The following NSMCE2 variants were observed in gnomAD, a reference collection of about 807,000 sequenced individuals.
NSMCE2 encodes NSE2 SUMO ligase component of SMC5/6 complex.
In NSMCE2, 24 loss-of-function variants were observed where a neutral mutation model predicts 23.8. The ratio of observed to expected loss-of-function variants is 1.01; its 90% CI spans 0.73 to 1.42. The LOEUF is 1.42. NSMCE2 is among the 40% of genes most tolerant of loss of function. The pLI is 0.00. For missense variants in NSMCE2, 284 were observed against 296.5 expected (o/e 0.96, Z 0.31); for synonymous variants, 92 against 94.1 (o/e 0.98, Z 0.13).
At chr8:125,093,834 T>C (rs1004522181) in intron 1 of NSMCE2, among the ~76,000 whole-genome samples, 4 of 152,214 alleles carry the variant, frequency 2.6e-5, no homozygotes, top group African/African-American at 9.6e-5. Context: ...CTCACTCTTA[T>C]CGTCCAGGCT....
At chr8:125,193,077 T>C (rs1243492464) in intron 5 of NSMCE2, among the ~76,000 whole-genome samples, 1 of 152,060 alleles carries the variant, frequency 6.6e-6, no homozygotes, top group Non-Finnish European at 1.5e-5. Flanking sequence ...ATGAAATATT[T>C]TGCAATCATT....
chr8:125,282,607 G>A (rs555184119), intron 5 of NSMCE2, among the ~76,000 whole-genome samples: 1 of 152,328 alleles, frequency 6.6e-6, no homozygotes, highest in East Asian at 1.9e-4. Context: ...TCAAACGGCT[G>A]TAACCTGGAG....
At chr8:125,132,499 GTT>G (rs75538469) in intron 3 of NSMCE2, among the ~76,000 whole-genome samples, 8 of 147,270 alleles carry the variant, frequency 5.4e-5, no homozygotes, top group African/African-American at 1.5e-4. Context: ...AAAAATTTTG[GTT>G]TTTTTTTTTG....
chr8:125,225,978 G>T (rs368601773), intron 5 of NSMCE2, among the ~76,000 whole-genome samples: 168 of 152,294 alleles, frequency 1.1e-3, no homozygotes, highest in African/African-American at 3.8e-3. Context: ...GAATCCTTGA[G>T]TCTCTGAAGT....
intron 5 of NSMCE2, among the ~76,000 whole-genome samples, chr8:125,278,671 TG>T (rs1471102868): frequency 1.3e-5 from 2 of 152,200 alleles, no homozygotes; most frequent in Non-Finnish European, 2.9e-5. Flanking sequence ...GCTTTTGCTT[TG>T]GTCAAGAGGG....
intron 5 of NSMCE2, among the ~76,000 whole-genome samples, chr8:125,288,445 A>C (rs1050553237): frequency 6.6e-6 from 1 of 152,074 alleles, no homozygotes; most frequent in African/African-American, 2.4e-5. Flanking sequence ...ATCACATTTC[A>C]ATTATTTTGC....
intron 7 of NSMCE2, among the ~76,000 whole-genome samples, chr8:125,364,258 T>C (rs1317120762): frequency 6.6e-6 from 1 of 152,200 alleles, no homozygotes; most frequent in East Asian, 1.9e-4. Flanking sequence ...TTTAATATTT[T>C]AAAAATAAAT....
intron 3 of NSMCE2, among the ~76,000 whole-genome samples, chr8:125,122,081 AT>A (rs1357609744): frequency 6.7e-6 from 1 of 148,880 alleles, no homozygotes; most frequent in African/African-American, 2.5e-5. Context: ...TGACACCGTT[AT>A]GCCTGAAGAT....
chr8:125,158,582 T>C (rs1318678911), intron 4 of NSMCE2, among the ~76,000 whole-genome samples: 1 of 152,204 alleles, frequency 6.6e-6, no homozygotes, highest in Non-Finnish European at 1.5e-5. Flanking sequence ...CAGGCCATCC[T>C]AGCAGCTAAT....
intron 5 of NSMCE2, among the ~76,000 whole-genome samples, chr8:125,210,110 G>A (rs529655452): frequency 2.6e-5 from 4 of 152,230 alleles, no homozygotes; most frequent in East Asian, 1.9e-4. Flanking sequence ...TCTGTAACCC[G>A]GGATAAGTTT....
chr8:125,262,096 C>CAAAATAAAATAAAATAAAATAAAAT (rs10654840), intron 5 of NSMCE2, among the ~76,000 whole-genome samples: 24 of 143,014 alleles, frequency 1.7e-4, no homozygotes, highest in African/African-American at 4.8e-4. Context: ...GACTCTGTCT[C>CAAAATAAAATAAAATAAAATAAAAT]AAAATAAAAT....
chr8:125,252,578 C>T (rs539089499), intron 5 of NSMCE2, among the ~76,000 whole-genome samples: 2 of 152,158 alleles, frequency 1.3e-5, no homozygotes, highest in Non-Finnish European at 2.9e-5. Flanking sequence ...TATTTTCTTG[C>T]ATTTGACTAT....
At chr8:125,277,780 C>G (rs528841514) in intron 5 of NSMCE2, among the ~76,000 whole-genome samples, 2 of 152,314 alleles carry the variant, frequency 1.3e-5, no homozygotes, top group African/African-American at 4.8e-5. Flanking sequence ...TCCCAGAGTG[C>G]TGGGATTACA....
rs570659758 is a variant in NSMCE2 at position 125,218,291 on chromosome 8, AACAG to A, written c.418+36040_418+36043del. On this transcript the variant is annotated intron_variant, in intron 5 of 7. Transcript: ENST00000287437. ...ATAATGCTGAGGATTCTGACATACA[AACAG>A]ACAGGTAGGTTTAATTAGGGAAAAG... Among the ~76,000 whole-genome samples the A allele has an allele frequency of 1.7e-3, 265 of 152,304 alleles. 9 individuals carry two copies. In the South Asian group the frequency reaches 0.053, roughly 31 times the overall value.
At chr8:125,155,618 T>C (rs1360887195) in intron 4 of NSMCE2, among the ~76,000 whole-genome samples, 1 of 152,202 alleles carries the variant, frequency 6.6e-6, no homozygotes, top group Non-Finnish European at 1.5e-5. Context: ...AAACAGGGGT[T>C]ATCTCTCTTA....
chr8:125,259,390 C>T (rs957468450), intron 5 of NSMCE2, among the ~76,000 whole-genome samples: 1 of 152,148 alleles, frequency 6.6e-6, no homozygotes, highest in Non-Finnish European at 1.5e-5. Context: ...GTCAGATCAG[C>T]GGTGGCATTA....
chr8:125,305,104 T>A (rs1828709132), intron 5 of NSMCE2, among the ~76,000 whole-genome samples: 1 of 152,208 alleles, frequency 6.6e-6, no homozygotes, highest in African/African-American at 2.4e-5. Flanking sequence ...GATGTCTTTA[T>A]GTTTTCCAGC....
intron 7 of NSMCE2, among the ~76,000 whole-genome samples, chr8:125,360,774 G>T (rs539148811): frequency 1.3e-5 from 2 of 152,126 alleles, no homozygotes; most frequent in Admixed American, 6.5e-5. Flanking sequence ...TTCTGGGTTC[G>T]CTTTGTTTAG....
intron 5 of NSMCE2, among the ~76,000 whole-genome samples, chr8:125,341,491 A>G (rs1250692317): frequency 6.6e-6 from 1 of 152,152 alleles, no homozygotes; most frequent in Non-Finnish European, 1.5e-5. Context: ...AAGCAAGATC[A>G]ACCAGTCACC....
Sources: gnomAD v4.1 joint callset for allele counts (sites outside exome capture counted in the v4.1 genomes callset) on GRCh38, gnomAD v4.1.1 for gene constraint, MANE v1.5 for transcripts, NCBI Gene and HGNC (gene_info 2026-07-23, HGNC 2026-07-21) for gene names.